Variants in CEP164 observed in about 807,000 individuals in gnomAD.
CEP164 encodes the protein centrosomal protein of 164 kDa.
CEP164 carries 162 observed loss-of-function variants against 182.7 expected under a neutral mutation model. That is an observed-to-expected ratio of 0.89 (90% CI 0.78 to 1.01). The LOEUF is 1.01. Ranked by LOEUF, CEP164 falls within the 50% of genes least tolerant of loss-of-function variation. CEP164 has a pLI of 0.00. For missense variants in CEP164, 1,735 were observed against 1,790.4 expected (o/e 0.97, Z 0.56); for synonymous variants, 661 against 690.0 (o/e 0.96, Z 0.66).
intron 30 of CEP164, 68 bp downstream of exon 30, chr11:117,410,033 A>G (rs2047161600): frequency 7.1e-7 from 1 of 1,405,406 alleles, no homozygotes; most frequent in East Asian, 2.3e-5. Context: ...CTTTTCTTCT[A>G]CCCTCTTTCT....
At position 117,412,985 on chromosome 11, in the gene CEP164, T is replaced by C. The variant is rs2137020642; in HGVS notation, c.*817T>C. ...TGGCTTTTATCCTCCTGGGACACTT[T>C]GGGTATATTCATGGGCATTGTTTCC... is the stretch of plus-strand genomic sequence containing the variant. On this transcript the variant is annotated 3_prime_UTR_variant, in exon 33 of 33. Transcript: ENST00000278935. The C allele has an allele frequency of 6.6e-6, 1 of 152,342 alleles. No individual in the cohort carries two copies. Among genetic ancestry groups the C allele is most frequent in the African/African-American group, 2.4e-5 (1 of 41,580 alleles). 9.4% of individuals were successfully genotyped at this position (152,342 alleles called of 1,614,324 possible). A position where few individuals can be genotyped will look rare whatever the true frequency, so the allele number is the denominator to read the frequency against.
chr11:117,377,247 TTGCA>T (rs2042851400), intron 11 of CEP164, among the ~76,000 whole-genome samples: 1 of 152,170 alleles, frequency 6.6e-6, no homozygotes, highest in African/African-American at 2.4e-5. Flanking sequence ...CCTAGATCCC[TTGCA>T]TGCACAGATC....
intron 15 of CEP164, among the ~76,000 whole-genome samples, chr11:117,389,389 G>C (rs1471158729): frequency 2.6e-5 from 4 of 152,166 alleles, no homozygotes; most frequent in African/African-American, 9.7e-5. Flanking sequence ...ATAGTTTGGG[G>C]CTGGATGATG....
At chr11:117,369,820 G>A (rs2042018431) in intron 8 of CEP164, among the ~76,000 whole-genome samples, 1 of 152,254 alleles carries the variant, frequency 6.6e-6, no homozygotes, top group African/African-American at 2.4e-5. Flanking sequence ...GAATTTAGTG[G>A]AAGCAGCCTT....
chr11:117,332,168 C>T (rs951908870), intron 1 of CEP164, among the ~76,000 whole-genome samples: 14 of 151,912 alleles, frequency 9.2e-5, no homozygotes, highest in African/African-American at 3.4e-4. Flanking sequence ...AACTGAGCTC[C>T]GACAGCTTAC....
At chr11:117,336,118 T>G in intron 2 of CEP164, 1 of 1,532,516 alleles carries the variant, frequency 6.5e-7, no homozygotes, top group Non-Finnish European at 8.8e-7. Context: ...CAAGGGCTAC[T>G]TTCCCCCAGT....
chr11:117,345,791 G>C (rs191127901), intron 4 of CEP164, among the ~76,000 whole-genome samples: 323 of 151,966 alleles, frequency 2.1e-3, no homozygotes, highest in African/African-American at 7.4e-3. Flanking sequence ...GAGGTGGAGC[G>C]ATTCTCCTGC....
intron 7 of CEP164, among the ~76,000 whole-genome samples, chr11:117,362,742 C>T (rs1321159433): frequency 1.3e-5 from 2 of 152,082 alleles, no homozygotes; most frequent in Non-Finnish European, 2.9e-5. Flanking sequence ...TCTGCACTCC[C>T]CCGCCGCCAC....
chr11:117,396,979 C>T, intron 26 of CEP164, 112 bp from the exon 27 acceptor site: 1 of 960,088 alleles, frequency 1.0e-6, no homozygotes. Flanking sequence ...CAGCCCTAGC[C>T]CAGCAGCTCT....
Position 117,375,766 on chromosome 11 carries a change from CAGTCCT to C in CEP164, c.1293_1298del (p.Val432_Leu433del), listed in dbSNP as rs765806595. The C allele has an allele frequency of 5.6e-6, 9 of 1,613,948 alleles. No homozygotes were observed. The highest frequency in any genetic ancestry group is 7.6e-6 in the Non-Finnish European group (9 of 1,180,046). On this transcript the variant is annotated inframe_deletion, in exon 11 of 33. Transcript: ENST00000278935. ...CTGCTGGATGTTGATGTGCTTTCCC[CAGTCCT>C]GGGTGGAGCTTGTCGGCAGGTGAGT...
intron 19 of CEP164, 102 bp downstream of exon 19, chr11:117,392,729 T>A: frequency 6.7e-7 from 1 of 1,482,152 alleles, no homozygotes; most frequent in Non-Finnish European, 9.1e-7. Context: ...TTGCTTTGGA[T>A]GGCTCAGCTG....
chr11:117,392,768 G>A, intron 19 of CEP164, 141 bp downstream of exon 19: 1 of 1,298,308 alleles, frequency 7.7e-7, no homozygotes, highest in Non-Finnish European at 1.1e-6. Context: ...CCCTTTTTAT[G>A]CCTTAGTTCC....
chr11:117,366,825 G>C (rs2041687071), intron 8 of CEP164, among the ~76,000 whole-genome samples: 1 of 152,106 alleles, frequency 6.6e-6, no homozygotes, highest in Admixed American at 6.6e-5. Context: ...GGATTACAGG[G>C]GTCCTTGTCT....
rs1253731955 is a variant in CEP164 at position 117,393,138 on chromosome 11, A to G, written c.2616+12A>G. The G allele has an allele frequency of 6.2e-7, 1 of 1,611,324 alleles. No homozygotes were observed. Among genetic ancestry groups the G allele is most frequent in the Non-Finnish European group, 8.5e-7 (1 of 1,178,804 alleles). Reference sequence around the variant, plus strand: ...AGTATGAAGCTGAGGTAGCTCAGCCACATCCCCTGCGCGCATGCACACACA... The same window carrying G: ...AGTATGAAGCTGAGGTAGCTCAGCCGCATCCCCTGCGCGCATGCACACACA... On this transcript the variant is annotated intron_variant, in intron 20 of 32. Transcript: ENST00000278935.
chr11:117,361,792 A>G (rs1340802588), intron 5 of CEP164, 43 bp from the exon 6 acceptor site: 2 of 1,611,296 alleles, frequency 1.2e-6, no homozygotes. Context: ...TCCCAGAGCC[A>G]CCTGGTTTCT....
Position 117,377,386 on chromosome 11 carries a change from G to A in CEP164, c.1317+1595G>A, listed in dbSNP as rs1458532673. Among the ~76,000 whole-genome samples the A allele has an allele frequency of 2.0e-5, 3 of 152,270 alleles. No homozygotes were observed. In the East Asian group the frequency reaches 5.8e-4, roughly 29 times the overall value. ...CCCCTGCTCTGTGGCCTGGGGGTTG[G>A]GGACCCCTCCCCTAAGCTATACCTT... On this transcript the variant is annotated intron_variant, in intron 11 of 32. Coordinates refer to ENST00000278935, the MANE Select transcript of CEP164 (RefSeq NM_014956.5).
chr11:117,381,946 C>A, intron 13 of CEP164, 78 bp downstream of exon 13: 1 of 874,648 alleles, frequency 1.1e-6, no homozygotes, highest in Non-Finnish European at 1.5e-6. Flanking sequence ...TGTGCTAGTG[C>A]TGAGAGAGAT....
At chr11:117,376,153 G>C (rs2042717058) in intron 11 of CEP164, among the ~76,000 whole-genome samples, 1 of 152,138 alleles carries the variant, frequency 6.6e-6, no homozygotes. Context: ...TCACCAGCTG[G>C]ATCTGCTGCT....
intron 18 of CEP164, 95 bp downstream of exon 18, chr11:117,392,398 G>T: frequency 6.4e-7 from 1 of 1,560,770 alleles, no homozygotes. Flanking sequence ...CTCCAGCCCT[G>T]GGGGATGGAT....
Sources: allele counts gnomAD v4.1 joint callset (sites outside exome capture counted in the v4.1 genomes callset), GRCh38; gene constraint gnomAD v4.1.1; transcripts MANE v1.5; gene names NCBI Gene and HGNC (gene_info 2026-07-23, HGNC 2026-07-21).